Variants in RAB6A observed in about 807,000 individuals in gnomAD.
RAB6A encodes the protein ras-related protein Rab-6A.
Under a neutral mutation model 32.3 loss-of-function variants are expected in RAB6A, and 8 were observed. That is an observed-to-expected ratio of 0.25 (90% CI 0.15 to 0.45). The LOEUF is 0.45. RAB6A is among the 20% of genes least tolerant of loss of function. The pLI is 1.00. For missense variants in RAB6A, 104 were observed against 249.4 expected (o/e 0.42, Z 3.93); for synonymous variants, 73 against 82.1 (o/e 0.89, Z 0.60).
chr11:73,747,344 A>G (rs1166544704), intron 1 of RAB6A, among the ~76,000 whole-genome samples: 1 of 151,458 alleles, frequency 6.6e-6, no homozygotes, highest in African/African-American at 2.4e-5. Context: ...CTGGGATTAC[A>G]GGCGCCCACC....
intron 2 of RAB6A, chr11:73,722,407 G>A (rs1160981219): frequency 7.2e-6 from 1 of 138,602 alleles, no homozygotes; most frequent in Non-Finnish European, 1.5e-5. Flanking sequence ...GTATATAGGG[G>A]TGTGATTTTG....
At chr11:73,707,627 A>C (rs1207680508) in intron 5 of RAB6A, 114 bp from the exon 6 acceptor site, 7 of 659,580 alleles carry the variant, frequency 1.1e-5, no homozygotes, top group Non-Finnish European at 1.8e-5. Flanking sequence ...TATACAGGTC[A>C]CATTAGTTTA....
chr11:73,679,504 T>C, intron 7 of RAB6A, 150 bp downstream of exon 7: 1 of 943,404 alleles, frequency 1.1e-6, no homozygotes, highest in Non-Finnish European at 1.6e-6. Flanking sequence ...CCAGACCTCA[T>C]TTGCTATAGA....
At chr11:73,718,859 T>C in intron 3 of RAB6A, 141 bp from the exon 4 acceptor site, 2 of 1,613,440 alleles carry the variant, frequency 1.2e-6, no homozygotes, top group South Asian at 1.1e-5. Flanking sequence ...GAAACGTTCC[T>C]GACCCGCAGT....
intron 1 of RAB6A, among the ~76,000 whole-genome samples, chr11:73,731,711 TATATATATATATATATATATACACAC>T (rs1461231230): frequency 0.028 from 638 of 22,754 alleles, 38 homozygotes; most frequent in African/African-American, 0.071. Context: ...TATATATATA[TATATATATATATATATATATACACAC>T]ACACACACAT....
chr11:73,744,475 C>T (rs1380788710), intron 1 of RAB6A, among the ~76,000 whole-genome samples: 1 of 124,432 alleles, frequency 8.0e-6, no homozygotes, highest in Non-Finnish European at 1.6e-5. Context: ...GACACCACTG[C>T]ACTCCAGCCT....
chr11:73,740,899 A>G (rs1347847191), intron 1 of RAB6A, among the ~76,000 whole-genome samples: 2 of 151,250 alleles, frequency 1.3e-5, no homozygotes, highest in Non-Finnish European at 3.0e-5. Context: ...AAAAAAAAGA[A>G]AAAAAAAAAC....
chr11:73,690,678 G>A (rs1241023696), intron 6 of RAB6A, among the ~76,000 whole-genome samples: 3 of 131,690 alleles, frequency 2.3e-5, no homozygotes, highest in African/African-American at 2.9e-5. Context: ...TGCTGGCTTC[G>A]AAATACCATG....
chr11:73,728,978 G>A (rs999752853), intron 2 of RAB6A, among the ~76,000 whole-genome samples: 2 of 151,958 alleles, frequency 1.3e-5, no homozygotes, highest in South Asian at 2.1e-4. Flanking sequence ...TATATATTCC[G>A]ATTTTCTATT....
chr11:73,719,911 T>C (rs1028480497), intron 3 of RAB6A, among the ~76,000 whole-genome samples: 17 of 151,284 alleles, frequency 1.1e-4, no homozygotes, highest in African/African-American at 3.9e-4. Context: ...CCACCACACC[T>C]GGCCGCTTTC....
At chr11:73,723,311 C>CTTATTTATT (rs1555062326) in intron 2 of RAB6A, among the ~76,000 whole-genome samples, 3 of 151,540 alleles carry the variant, frequency 2.0e-5, no homozygotes, top group African/African-American at 7.3e-5. Context: ...ATTTATTTTA[C>CTTATTTATT]TTATTTTATT....
At chr11:73,723,471 G>A (rs933444215) in intron 2 of RAB6A, among the ~76,000 whole-genome samples, 1 of 151,970 alleles carries the variant, frequency 6.6e-6, no homozygotes, top group African/African-American at 2.4e-5. Flanking sequence ...GACTACAGGT[G>A]TGCACCACCA....
intron 3 of RAB6A, chr11:73,718,957 A>C: frequency 7.1e-7 from 1 of 1,416,556 alleles, no homozygotes; most frequent in Non-Finnish European, 9.6e-7. Context: ...AAAAAGAAAC[A>C]ATGTTTTTTG....
chr11:73,704,983 G>A (rs1368453031), intron 6 of RAB6A, among the ~76,000 whole-genome samples: 2 of 151,996 alleles, frequency 1.3e-5, no homozygotes, highest in African/African-American at 2.4e-5. Context: ...ATGACAGAGC[G>A]AGACTCCATC....
At position 73,731,715 on chromosome 11, in the gene RAB6A, TATATATATATATATATAC is replaced by T. The variant is rs1165997690; in HGVS notation, c.71-910_71-893del. On this transcript the variant is annotated intron_variant, in intron 1 of 7. Transcript: ENST00000336083. ...ATATATATATATATATATATATATA[TATATATATATATATATAC>T]ACACACACACACATATTTTCTTTTT... is the stretch of plus-strand genomic sequence containing the variant. Among the ~76,000 whole-genome samples, 86 of 19,304 alleles carry T rather than the reference TATATATATATATATATAC, an allele frequency of 4.5e-3. 1 individual carries two copies. Among genetic ancestry groups the T allele is most frequent in the Middle Eastern group, 0.02 (1 of 50 alleles). 12.7% of individuals were successfully genotyped at this position (19,304 alleles called of 152,430 possible).
At position 73,704,588 on chromosome 11, in the gene RAB6A, G is replaced by A. The variant is rs558896530; in HGVS notation, c.495+2832C>T. ...TAGTCCCAGCTACTCGGGAGGCTGCGGCAGGAGAATCACTTCAACCCAGGA... is the reference window on the plus strand; with the variant it reads ...TAGTCCCAGCTACTCGGGAGGCTGCAGCAGGAGAATCACTTCAACCCAGGA... On this transcript the variant is annotated intron_variant, in intron 6 of 7. Transcript: ENST00000336083. Among the ~76,000 whole-genome samples the A allele has an allele frequency of 3.0e-4, 46 of 151,888 alleles. No homozygotes were observed. The East Asian group carries it at 6.8e-3, about 22-fold the overall frequency.
intron 4 of RAB6A, among the ~76,000 whole-genome samples, chr11:73,716,643 A>C (rs909397726): frequency 1.3e-5 from 2 of 151,964 alleles, no homozygotes; most frequent in South Asian, 2.1e-4. Flanking sequence ...TGAAAAAAAA[A>C]CAACTTTTTG....
intron 5 of RAB6A, among the ~76,000 whole-genome samples, chr11:73,714,207 A>T (rs866350807): frequency 0.022 from 1,598 of 71,338 alleles, 15 homozygotes; most frequent in African/African-American, 0.031. Context: ...AAAAAAAAAA[A>T]AAATATATAT....
At position 73,677,905 on chromosome 11, in the gene RAB6A, G is replaced by A. The variant is rs201030643; in HGVS notation, c.620C>T (p.Ser207Phe). 1.2e-6 allele frequency: 2 copies of A among 1,614,220 alleles called. No individual in the cohort carries two copies. The highest frequency in any genetic ancestry group is 1.3e-5 in the African/African-American group (1 of 75,058). ...QEQPVSEGGCSC is the reference protein window; with the variant it reads ...QEQPVSEGGCFC ...TGAAGATGACATGGGAGATTAGCAG[G>A]AACAGCCTCCTTCACTGACTGGTTG... Residue 207 changes from serine to phenylalanine, a missense_variant, in exon 8 of 8, where the codon TCC (serine) becomes TTC (phenylalanine). This residue lies in a region of RAB6A where 2 missense variants were observed against 16.5 expected (regional missense o/e 0.12). Coordinates refer to ENST00000336083, the MANE Select transcript of RAB6A (RefSeq NM_198896.2).
Sources: gnomAD v4.1 joint callset for allele counts (sites outside exome capture counted in the v4.1 genomes callset) on GRCh38, gnomAD v4.1.1 for gene constraint, gnomAD v4.1.1 regional missense constraint, MANE v1.5 for transcripts, NCBI Gene and HGNC (gene_info 2026-07-23, HGNC 2026-07-21) for gene names.